The following MYO1E variants were observed in gnomAD, a reference collection of about 807,000 sequenced individuals.
The protein encoded by MYO1E is unconventional myosin-Ie.
A neutral mutation model predicts 151.1 loss-of-function variants in MYO1E; 68 were observed. That is an observed-to-expected ratio of 0.45 (90% confidence interval 0.37 to 0.55). The LOEUF (loss-of-function observed/expected upper bound fraction) is 0.55. Among genes scored for constraint, MYO1E ranks in the 20% least tolerant of loss-of-function variants. The pLI is 0.00. For missense variants in MYO1E, 1,363 were observed against 1,389.3 expected (o/e 0.98, Z 0.30); for synonymous variants, 601 against 501.7 (o/e 1.20, Z -2.64).
At chr15:59,372,229 G>A (rs2080950492) in intron 1 of MYO1E, among the ~76,000 whole-genome samples, 1 of 152,076 alleles carries the variant, frequency 6.6e-6, no homozygotes, top group Admixed American at 6.5e-5. Context: ...CCTGGCTTCC[G>A]ACAGCTGGCA....
At chr15:59,183,134 G>T (rs1356026086) in intron 18 of MYO1E, among the ~76,000 whole-genome samples, 1 of 138,940 alleles carries the variant, frequency 7.2e-6, no homozygotes, top group Non-Finnish European at 1.5e-5. Flanking sequence ...CTGGTCCCCT[G>T]CTGCGAGTTG....
chr15:59,328,547 A>G (rs1333805359), intron 1 of MYO1E, among the ~76,000 whole-genome samples: 1 of 147,410 alleles, frequency 6.8e-6, no homozygotes, highest in Non-Finnish European at 1.5e-5. Context: ...AAATTCATAA[A>G]TTAGTATTAC....
At chr15:59,137,521 C>G in intron 27 of MYO1E, 65 bp from the exon 28 acceptor site, 1 of 1,304,288 alleles carries the variant, frequency 7.7e-7, no homozygotes, top group Non-Finnish European at 1.1e-6. Flanking sequence ...GCCACACACA[C>G]TCCGCTCCCA....
intron 1 of MYO1E, among the ~76,000 whole-genome samples, chr15:59,355,129 T>G (rs1342776449): frequency 6.6e-6 from 1 of 152,148 alleles, no homozygotes; most frequent in Admixed American, 6.6e-5. Flanking sequence ...AGTTGTTCAA[T>G]TCAGCAAAGT....
At chr15:59,214,171 C>T (rs1454920870) in intron 12 of MYO1E, 57 bp downstream of exon 12, 1 of 1,383,502 alleles carries the variant, frequency 7.2e-7, no homozygotes, top group Non-Finnish European at 1.0e-6. Flanking sequence ...AAATCTATAC[C>T]CTCTTAAACA....
intron 17 of MYO1E, among the ~76,000 whole-genome samples, chr15:59,191,571 C>T (rs1177614777): frequency 2.6e-5 from 4 of 152,124 alleles, no homozygotes; most frequent in Admixed American, 6.5e-5. Context: ...GCAGGGAATG[C>T]ATCACCCATT....
chr15:59,268,720 A>ATTTGTTTTTTTTTTT (rs2080271356), intron 2 of MYO1E, among the ~76,000 whole-genome samples: 1 of 44,906 alleles, frequency 2.2e-5, no homozygotes, highest in South Asian at 1.3e-3. Context: ...TGACTTTGGT[A>ATTTGTTTTTTTTTTT]TTTTTTTTTT....
At chr15:59,227,331 G>A in intron 7 of MYO1E, 128 bp downstream of exon 7, 1 of 1,128,430 alleles carries the variant, frequency 8.9e-7, no homozygotes, top group Non-Finnish European at 1.3e-6. Flanking sequence ...TCTGCACATT[G>A]ACTTGTACAT....
intron 2 of MYO1E, among the ~76,000 whole-genome samples, chr15:59,268,939 A>G (rs1430136634): frequency 1.3e-5 from 2 of 151,456 alleles, no homozygotes. Context: ...TTGTTTTTAT[A>G]CTCAGCTTAC....
rs181719016 is a variant in MYO1E, at chr15:59,136,036, G to C, written c.*1344C>G. 1 of 152,332 alleles carries C rather than the reference G, an allele frequency of 6.6e-6. No individual in the cohort carries two copies. Among genetic ancestry groups the C allele is most frequent in the East Asian group, 1.9e-4 (1 of 5,206 alleles). The allele number at this position is 152,332 out of a possible 1,614,324, so 9.4% of individuals were successfully genotyped here. On this transcript the variant is annotated 3_prime_UTR_variant, in exon 28 of 28. Coordinates refer to ENST00000288235, the MANE Select transcript of MYO1E (RefSeq NM_004998.4). Reference sequence around the variant, plus strand: ...TGGAAGTCCAAGACCAAGGTGGGCAGGGCTGGTTCCTTGTGAGGGTGTGAG... The same window carrying C: ...TGGAAGTCCAAGACCAAGGTGGGCACGGCTGGTTCCTTGTGAGGGTGTGAG...
At chr15:59,194,777 C>A (rs1191443351) in intron 17 of MYO1E, among the ~76,000 whole-genome samples, 2 of 152,218 alleles carry the variant, frequency 1.3e-5, no homozygotes, top group African/African-American at 4.8e-5. Context: ...CTAGCCACCA[C>A]CTTAACAGGC....
intron 1 of MYO1E, among the ~76,000 whole-genome samples, chr15:59,351,336 A>C (rs1428523392): frequency 6.6e-6 from 1 of 152,238 alleles, no homozygotes; most frequent in Non-Finnish European, 1.5e-5. Context: ...TCGTTCATTC[A>C]ATCAATATTT....
chr15:59,201,353 A>G (rs548792353), intron 16 of MYO1E, among the ~76,000 whole-genome samples: 1 of 151,584 alleles, frequency 6.6e-6, no homozygotes, highest in African/African-American at 2.4e-5. Context: ...CTCGGCCTCC[A>G]AAAGTGTTGG....
chr15:59,291,899 A>T (rs1243931853), intron 1 of MYO1E, among the ~76,000 whole-genome samples: 2 of 152,080 alleles, frequency 1.3e-5, no homozygotes, highest in Non-Finnish European at 2.9e-5. Context: ...AAGCAGTATG[A>T]ATAAATCAAA....
rs540853782 is a variant in MYO1E, at chr15:59,195,399, C to T, written c.1805+62G>A. 1,435 of 1,391,222 alleles carry T rather than the reference C, an allele frequency of 1.0e-3. 7 individuals carry two copies. Among genetic ancestry groups the T allele is most frequent in the Middle Eastern group, 5.8e-3 (32 of 5,530 alleles). The allele number at this position is 1,391,222 out of a possible 1,614,324, so 86.2% of individuals were successfully genotyped here. A position where few individuals can be genotyped will look rare whatever the true frequency, so the allele number is the denominator to read the frequency against. ...CACTGCTCCTGCCTGTGATGGAGGA[C>T]GGCTCATCTTGAGCAGAGGGAAAAA... is the stretch of plus-strand genomic sequence containing the variant. On this transcript the variant is annotated intron_variant, in intron 17 of 27. Coordinates refer to ENST00000288235, the MANE Select transcript of MYO1E (RefSeq NM_004998.4).
At chr15:59,306,525 T>C (rs1048075054) in intron 1 of MYO1E, among the ~76,000 whole-genome samples, 1 of 152,266 alleles carries the variant, frequency 6.6e-6, no homozygotes, top group African/African-American at 2.4e-5. Flanking sequence ...AGGTTGTGGA[T>C]GGAGGAAAAT....
chr15:59,329,969 T>C (rs2080688477), intron 1 of MYO1E, among the ~76,000 whole-genome samples: 1 of 152,194 alleles, frequency 6.6e-6, no homozygotes, highest in Non-Finnish European at 1.5e-5. Flanking sequence ...AACTGCAAAA[T>C]ACCTTCTTAG....
At chr15:59,321,500 C>G (rs1175091005) in intron 1 of MYO1E, among the ~76,000 whole-genome samples, 5 of 152,190 alleles carry the variant, frequency 3.3e-5, no homozygotes, top group African/African-American at 9.7e-5. Flanking sequence ...ACTATGCAGC[C>G]ATAAAGAAGA....
chr15:59,152,617 G>A (rs2079488429), intron 26 of MYO1E, among the ~76,000 whole-genome samples: 1 of 152,174 alleles, frequency 6.6e-6, no homozygotes, highest in South Asian at 2.1e-4. Flanking sequence ...ACGCCTGCAT[G>A]CCAAGTACCA....
Sources: gnomAD v4.1 joint callset for allele counts (sites outside exome capture counted in the v4.1 genomes callset) on GRCh38, gnomAD v4.1.1 for gene constraint, MANE v1.5 for transcripts, NCBI Gene and HGNC (gene_info 2026-07-23, HGNC 2026-07-21) for gene names.